ACTR3C: variants seen among roughly 807,000 people sequenced by gnomAD.
ACTR3C encodes the protein actin related protein 3C.
ACTR3C carries 18 observed loss-of-function variants against 26.3 expected under a neutral mutation model. That is an observed-to-expected ratio of 0.68 (90% CI 0.47 to 1.01). ACTR3C has a LOEUF of 1.01. ACTR3C is among the 50% of genes least tolerant of loss of function. The pLI is 0.00. For synonymous variants in ACTR3C, 55 were observed against 94.5 expected (o/e 0.58, Z 2.42); for missense variants, 184 against 250.7 (o/e 0.73, Z 1.80).
chr7:150,280,826 A>G (rs1835267151), intron 6 of ACTR3C, among the ~76,000 whole-genome samples: 1 of 141,342 alleles, frequency 7.1e-6, no homozygotes, highest in South Asian at 2.4e-4. Flanking sequence ...GTGTATATAT[A>G]TATACACACA....
At chr7:149,945,955 A>G in the ACTR3C span, among the ~76,000 whole-genome samples, 1 of 152,176 alleles carries the variant, frequency 6.6e-6, no homozygotes, top group African/African-American at 2.4e-5. Context: ...GGAGGGAGAC[A>G]GGCGACCTTG....
the ACTR3C span, among the ~76,000 whole-genome samples, chr7:150,129,907 C>T: frequency 2.6e-5 from 4 of 152,084 alleles, no homozygotes; most frequent in South Asian, 4.2e-4. Flanking sequence ...AATCTGAAGA[C>T]TTAAACGACC....
At chr7:150,264,550 T>C (rs2129610327) in intron 6 of ACTR3C, 1 of 961,400 alleles carries the variant, frequency 1.0e-6, no homozygotes, top group East Asian at 1.2e-4. Context: ...TGAGGGGTGC[T>C]CTGAGTCCAG....
the ACTR3C span, among the ~76,000 whole-genome samples, chr7:150,014,135 T>A: frequency 1.1e-4 from 17 of 151,714 alleles, no homozygotes; most frequent in Non-Finnish European, 2.2e-4. Flanking sequence ...ACTAACCAAC[T>A]CCTCGCTAAT....
At chr7:150,035,944 C>T in the ACTR3C span, among the ~76,000 whole-genome samples, 73 of 136,664 alleles carry the variant, frequency 5.3e-4, 7 homozygotes, top group Admixed American at 5.0e-3. Context: ...CGATGGGGGT[C>T]CTCAGAGCCA....
intron 1 of ACTR3C, among the ~76,000 whole-genome samples, chr7:150,305,449 C>T (rs1435520375): frequency 1.3e-5 from 2 of 152,064 alleles, no homozygotes; most frequent in African/African-American, 4.8e-5. Flanking sequence ...CCACGTGGCT[C>T]TCACTGTCTA....
the ACTR3C span, among the ~76,000 whole-genome samples, chr7:150,049,915 A>C: frequency 6.6e-6 from 1 of 152,284 alleles, no homozygotes; most frequent in Non-Finnish European, 1.5e-5. Context: ...GCAACAGCTA[A>C]GCAAAACTTG....
At chr7:150,115,555 C>T in the ACTR3C span, among the ~76,000 whole-genome samples, 1 of 152,232 alleles carries the variant, frequency 6.6e-6, no homozygotes, top group East Asian at 1.9e-4. Context: ...TCTCCCTCCA[C>T]AGATTATTTC....
the ACTR3C span, among the ~76,000 whole-genome samples, chr7:150,127,793 T>G: frequency 1.3e-5 from 2 of 151,584 alleles, no homozygotes; most frequent in East Asian, 3.8e-4. Flanking sequence ...CAATGCCTAT[T>G]TACACAAGAC....
At chr7:150,053,760 A>G in the ACTR3C span, among the ~76,000 whole-genome samples, 2 of 152,248 alleles carry the variant, frequency 1.3e-5, no homozygotes, top group African/African-American at 4.8e-5. Context: ...ACTCTCCTGC[A>G]GGCTAATAGA....
At chr7:150,188,789 C>T in the ACTR3C span, among the ~76,000 whole-genome samples, 22 of 151,084 alleles carry the variant, frequency 1.5e-4, no homozygotes, top group African/African-American at 5.4e-4. Context: ...ACAAATTATA[C>T]CTAAATAAAC....
the ACTR3C span, among the ~76,000 whole-genome samples, chr7:150,083,943 T>C: frequency 1.6e-4 from 24 of 152,202 alleles, no homozygotes; most frequent in Admixed American, 1.5e-3. Context: ...CCCCAAAATC[T>C]AAAACTACCA....
the ACTR3C span, among the ~76,000 whole-genome samples, chr7:149,933,099 A>G: frequency 1.6e-3 from 42 of 25,780 alleles, no homozygotes; most frequent in African/African-American, 2.5e-3. Context: ...AGAGGGGCCA[A>G]GCACAGGGAG....
the ACTR3C span, among the ~76,000 whole-genome samples, chr7:149,914,341 T>C: frequency 1.3e-5 from 2 of 152,052 alleles, no homozygotes; most frequent in African/African-American, 4.8e-5. Flanking sequence ...CCTGTAATCC[T>C]AGCACTTTGG....
chr7:150,143,796 A>C, the ACTR3C span, among the ~76,000 whole-genome samples: 1 of 152,204 alleles, frequency 6.6e-6, no homozygotes, highest in Non-Finnish European at 1.5e-5. Context: ...CCGACTCTTC[A>C]TCCCCCCGCT....
At chr7:150,277,763 C>T (rs1329029438) in intron 6 of ACTR3C, among the ~76,000 whole-genome samples, 1 of 152,142 alleles carries the variant, frequency 6.6e-6, no homozygotes, top group Non-Finnish European at 1.5e-5. Flanking sequence ...CCTCCATGAG[C>T]CACCTACAGC....
chr7:150,316,703 C>A (rs1796957422), intron 1 of ACTR3C, among the ~76,000 whole-genome samples: 1 of 152,092 alleles, frequency 6.6e-6, no homozygotes, highest in Non-Finnish European at 1.5e-5. Context: ...CCAGGATGGT[C>A]TCTATCTCTT....
At chr7:150,025,782 C>T in the ACTR3C span, among the ~76,000 whole-genome samples, 4 of 152,102 alleles carry the variant, frequency 2.6e-5, no homozygotes, top group East Asian at 1.9e-4. Flanking sequence ...TCCACTTTTC[C>T]GTATGTTTGG....
At chr7:149,968,941 C>T in the ACTR3C span, among the ~76,000 whole-genome samples, 1 of 151,982 alleles carries the variant, frequency 6.6e-6, no homozygotes, top group East Asian at 1.9e-4. Flanking sequence ...GGGCTTTCTT[C>T]CACCGTCATT....
Sources: gnomAD v4.1 joint callset for allele counts (sites outside exome capture counted in the v4.1 genomes callset) on GRCh38, gnomAD v4.1.1 for gene constraint, MANE v1.5 for transcripts, NCBI Gene and HGNC (gene_info 2026-07-23, HGNC 2026-07-21) for gene names.